DPP10: variants seen among roughly 807,000 people sequenced by gnomAD.
The protein encoded by DPP10 is dipeptidyl peptidase like 10, also known as inactive dipeptidyl peptidase 10.
Under a neutral mutation model 120.9 loss-of-function variants are expected in DPP10, and 33 were observed. The observed-to-expected ratio is 0.27, with a 90% CI of 0.21 to 0.37. The LOEUF is 0.37. Among genes scored for constraint, DPP10 ranks in the 10% least tolerant of loss-of-function variants. The pLI is 1.00. For synonymous variants in DPP10, 337 were observed against 326.1 expected (o/e 1.03, Z -0.36); for missense variants, 816 against 942.8 (o/e 0.87, Z 1.76).
At chr2:114,615,886 G>A (rs1472094789) in intron 1 of DPP10, among the ~76,000 whole-genome samples, 2 of 152,114 alleles carry the variant, frequency 1.3e-5, no homozygotes, top group African/African-American at 2.4e-5. Flanking sequence ...AGAATACAGA[G>A]TTTGCCATTA....
At chr2:114,967,099 G>C (rs904738296) in intron 1 of DPP10, among the ~76,000 whole-genome samples, 1 of 151,748 alleles carries the variant, frequency 6.6e-6, no homozygotes, top group Non-Finnish European at 1.5e-5. Flanking sequence ...GAGACAGCAG[G>C]GTCAGTAATA....
At chr2:115,118,984 G>A (rs561677546) in intron 1 of DPP10, among the ~76,000 whole-genome samples, 5 of 152,254 alleles carry the variant, frequency 3.3e-5, no homozygotes, top group South Asian at 2.1e-4. Flanking sequence ...AGCAAGTCAA[G>A]TACACTAGGA....
chr2:115,332,414 C>G lies in DPP10; in HGVS notation c.176-11403C>G, dbSNP rs2062807560. Among the ~76,000 whole-genome samples the G allele has an allele frequency of 2.0e-5, 3 of 152,040 alleles. No homozygotes were observed. The South Asian group carries it at 6.2e-4, about 31-fold the overall frequency. On this transcript the variant is annotated intron_variant, in intron 2 of 25. Coordinates refer to ENST00000410059, the MANE Select transcript of DPP10 (RefSeq NM_020868.6). Reference sequence around the variant, plus strand: ...TGACTTTTTGAAGGGTTTTTTATATCTCTGTCTCCTTCAGTTCTGCTCTGA... The same window carrying G: ...TGACTTTTTGAAGGGTTTTTTATATGTCTGTCTCCTTCAGTTCTGCTCTGA...
chr2:114,833,307 GC>G (rs763936389), intron 1 of DPP10: 6 of 150,170 alleles, frequency 4.0e-5, no homozygotes, highest in Non-Finnish European at 8.9e-5. Context: ...AATTGATCAA[GC>G]AAAAAAATGT....
intron 1 of DPP10, among the ~76,000 whole-genome samples, chr2:114,774,665 GTATA>G (rs34871165): frequency 6.9e-6 from 1 of 145,150 alleles, no homozygotes; most frequent in African/African-American, 2.5e-5. Context: ...CAATAATGAT[GTATA>G]TATATATATA....
At chr2:115,407,547 G>A (rs2068611262) in intron 3 of DPP10, among the ~76,000 whole-genome samples, 1 of 152,136 alleles carries the variant, frequency 6.6e-6, no homozygotes, top group African/African-American at 2.4e-5. Flanking sequence ...GCCTGAAGGA[G>A]AGAAGGGACA....
intron 5 of DPP10, among the ~76,000 whole-genome samples, chr2:115,549,276 C>G (rs1452332901): frequency 2.0e-5 from 3 of 152,088 alleles, no homozygotes; most frequent in Non-Finnish European, 4.4e-5. Context: ...ACATTATTTT[C>G]TATATCTGTG....
intron 1 of DPP10, among the ~76,000 whole-genome samples, chr2:114,977,913 A>C (rs574955054): frequency 6.6e-6 from 1 of 151,880 alleles, no homozygotes; most frequent in South Asian, 2.1e-4. Flanking sequence ...AATCTTATCA[A>C]ATTTTTTAAC....
At chr2:114,892,281 A>G (rs1439976659) in intron 1 of DPP10, among the ~76,000 whole-genome samples, 1 of 152,180 alleles carries the variant, frequency 6.6e-6, no homozygotes. Flanking sequence ...GTGTGGTAAG[A>G]TATTTTGTAT....
intron 19 of DPP10, among the ~76,000 whole-genome samples, chr2:115,799,927 T>G (rs2149961748): frequency 6.6e-6 from 1 of 152,212 alleles, no homozygotes; most frequent in Non-Finnish European, 1.5e-5. Context: ...CAGCATGATT[T>G]ATAATCCTTT....
chr2:115,034,131 G>A (rs574367942), intron 1 of DPP10, among the ~76,000 whole-genome samples: 11 of 151,870 alleles, frequency 7.2e-5, no homozygotes, highest in South Asian at 6.2e-4. Flanking sequence ...TTTTGACCTC[G>A]TGATCTGCCT....
chr2:115,450,570 A>G (rs1212312388), intron 3 of DPP10, among the ~76,000 whole-genome samples: 1 of 152,010 alleles, frequency 6.6e-6, no homozygotes, highest in African/African-American at 2.4e-5. Flanking sequence ...ACCTTTGACA[A>G]TAAGATTCCA....
chr2:115,484,044 AG>A (rs2075612670), intron 3 of DPP10, among the ~76,000 whole-genome samples: 1 of 151,598 alleles, frequency 6.6e-6, no homozygotes, highest in Admixed American at 6.6e-5. Context: ...TGTAGATGAC[AG>A]GACCCCAGAC....
chr2:114,756,258 G>A (rs539277126), intron 1 of DPP10, among the ~76,000 whole-genome samples: 1 of 152,318 alleles, frequency 6.6e-6, no homozygotes, highest in South Asian at 2.1e-4. Flanking sequence ...ATGCATACAA[G>A]TTATGAAAGT....
At chr2:115,495,054 A>G (rs2148763686) in intron 3 of DPP10, among the ~76,000 whole-genome samples, 1 of 152,274 alleles carries the variant, frequency 6.6e-6, no homozygotes, top group South Asian at 2.1e-4. Context: ...GACTCACAGC[A>G]TAACCCGTTA....
chr2:115,632,831 T>C (rs12711828), intron 5 of DPP10, among the ~76,000 whole-genome samples: 34,163 of 151,724 alleles, frequency 0.23, 4,226 homozygotes, highest in East Asian at 0.38. Context: ...CATGAAAAAA[T>C]GCTCATCATC....
intron 1 of DPP10, among the ~76,000 whole-genome samples, chr2:115,012,791 G>C (rs1702360034): frequency 6.6e-6 from 1 of 152,162 alleles, no homozygotes; most frequent in African/African-American, 2.4e-5. Flanking sequence ...GATCATGCCA[G>C]CTCACCAGCA....
At chr2:114,596,241 T>C (rs866610305) in intron 1 of DPP10, among the ~76,000 whole-genome samples, 1 of 152,028 alleles carries the variant, frequency 6.6e-6, no homozygotes, top group Non-Finnish European at 1.5e-5. Flanking sequence ...TTACATGAAT[T>C]ATTTATTTTT....
chr2:115,547,812 C>T (rs2079608065), intron 5 of DPP10, among the ~76,000 whole-genome samples: 1 of 150,266 alleles, frequency 6.7e-6, no homozygotes, highest in Non-Finnish European at 1.5e-5. Context: ...AGGCAAATGA[C>T]AGAAGAGCTT....
Sources: gnomAD v4.1 joint callset for allele counts (sites outside exome capture counted in the v4.1 genomes callset) on GRCh38, gnomAD v4.1.1 for gene constraint, MANE v1.5 for transcripts, NCBI Gene and HGNC (gene_info 2026-07-23, HGNC 2026-07-21) for gene names.